RANGAP1: variants seen among roughly 807,000 people sequenced by gnomAD.
RANGAP1 encodes the protein Ran GTPase activating protein 1.
A neutral mutation model predicts 63.5 loss-of-function variants in RANGAP1; 38 were observed. That is an observed-to-expected ratio of 0.60 (90% confidence interval 0.46 to 0.78). The LOEUF is 0.78. Ranked by LOEUF, RANGAP1 falls within the 30% of genes least tolerant of loss-of-function variation. The pLI is 0.00. For missense variants in RANGAP1, 630 were observed against 740.3 expected (o/e 0.85, Z 1.73); for synonymous variants, 329 against 310.5 (o/e 1.06, Z -0.63).
Position 41,254,540 on chromosome 22 carries a change from C to G in RANGAP1, c.1074-46G>C. 10 of 1,533,820 alleles carry G rather than the reference C, an allele frequency of 6.5e-6. No homozygotes were observed. In the South Asian group the frequency reaches 1.1e-4, roughly 17 times the overall value. On this transcript the variant is annotated intron_variant, in intron 10 of 15. Coordinates refer to ENST00000356244, the MANE Select transcript of RANGAP1 (RefSeq NM_002883.4). ...AGCAGATCCTCTCTACCCAGCAGCC[C>G]AGGTTGGCTCTAAGGCCTGGCTCCA... is the stretch of plus-strand genomic sequence containing the variant.
intron 3 of RANGAP1, among the ~76,000 whole-genome samples, chr22:41,271,552 G>A (rs954599943): frequency 1.1e-4 from 17 of 152,040 alleles, no homozygotes; most frequent in Non-Finnish European, 1.8e-4. Context: ...AAAATTAGCC[G>A]GCATGGTGGC....
rs2033025715 is a variant in RANGAP1, at chr22:41,246,332, C to T, written c.*271G>A. ...GTGAGTTTAATGGCGGAGCAGCTCACAGCCCTTTCCCCTGGGGGCCAACTC... is the reference window on the plus strand; with the variant it reads ...GTGAGTTTAATGGCGGAGCAGCTCATAGCCCTTTCCCCTGGGGGCCAACTC... On this transcript the variant is annotated 3_prime_UTR_variant, in exon 16 of 16. Transcript: ENST00000356244. 1 of 344,528 alleles carries T rather than the reference C, an allele frequency of 2.9e-6. No homozygotes were observed. Among genetic ancestry groups the T allele is most frequent in the Non-Finnish European group, 5.4e-6 (1 of 184,824 alleles). 21.3% of individuals were successfully genotyped at this position (344,528 alleles called of 1,614,324 possible).
intron 1 of RANGAP1, chr22:41,281,801 T>C (rs1386004728): frequency 1.6e-5 from 4 of 245,114 alleles, no homozygotes; most frequent in Non-Finnish European, 2.6e-5. Context: ...TAAGCCTCAC[T>C]ATTTATAAAA....
chr22:41,245,273 G>C lies in RANGAP1; in HGVS notation c.*1330C>G, dbSNP rs1273524358. Among the ~76,000 whole-genome samples, 1 of 152,214 alleles carries C rather than the reference G, an allele frequency of 6.6e-6. No homozygotes were observed. The highest frequency in any genetic ancestry group is 2.4e-5 in the African/African-American group (1 of 41,464). Reference sequence around the variant, plus strand: ...GCTCCCAAAGCACATACATGGTGTAGGGTAGGAGGTAAGGAAGGTTGGCTG... The same window carrying C: ...GCTCCCAAAGCACATACATGGTGTACGGTAGGAGGTAAGGAAGGTTGGCTG... On this transcript the variant is annotated 3_prime_UTR_variant, in exon 16 of 16. Transcript: ENST00000356244.
At chr22:41,276,626 C>G (rs541947688) in intron 2 of RANGAP1, among the ~76,000 whole-genome samples, 8 of 151,192 alleles carry the variant, frequency 5.3e-5, no homozygotes, top group East Asian at 2.0e-4. Context: ...GCAACAAGAG[C>G]GAAACTCCGT....
intron 2 of RANGAP1, chr22:41,277,458 A>T: frequency 8.4e-7 from 1 of 1,196,164 alleles, no homozygotes; most frequent in Non-Finnish European, 1.1e-6. Context: ...TATAATCTGA[A>T]CAAAACCAAA....
upstream of RANGAP1, among the ~76,000 whole-genome samples, chr22:41,287,744 T>A (rs1569221232): frequency 6.6e-6 from 1 of 150,990 alleles, no homozygotes; most frequent in Admixed American, 6.6e-5. Context: ...CCCAGCACTT[T>A]GGGAGGCCGA....
intron 4 of RANGAP1, among the ~76,000 whole-genome samples, chr22:41,266,635 G>A (rs1389004048): frequency 6.6e-6 from 1 of 152,188 alleles, no homozygotes; most frequent in Non-Finnish European, 1.5e-5. Flanking sequence ...CCAGGTTCAA[G>A]TGATTCTTCC....
chr22:41,270,383 G>T (rs1030000758), intron 3 of RANGAP1, among the ~76,000 whole-genome samples: 1 of 152,178 alleles, frequency 6.6e-6, no homozygotes, highest in Non-Finnish European at 1.5e-5. Flanking sequence ...GACCTCAGGT[G>T]ATCCACCTGC....
At chr22:41,271,720 G>A (rs1439195981) in intron 3 of RANGAP1, among the ~76,000 whole-genome samples, 1 of 151,164 alleles carries the variant, frequency 6.6e-6, no homozygotes, top group Non-Finnish European at 1.5e-5. Context: ...AGCTTGGGCT[G>A]ACACCTGGAC....
At chr22:41,294,428 T>C in the RANGAP1 span, among the ~76,000 whole-genome samples, 2 of 151,838 alleles carry the variant, frequency 1.3e-5, no homozygotes, top group Non-Finnish European at 2.9e-5. Context: ...GCAGCCTGCC[T>C]TGGCCTCCCA....
At chr22:41,300,586 C>T in the RANGAP1 span, among the ~76,000 whole-genome samples, 1 of 151,056 alleles carries the variant, frequency 6.6e-6, no homozygotes, top group Admixed American at 6.6e-5. Context: ...ATTCTCCTGC[C>T]TCAGCCTCCT....
In RANGAP1 at chr22:41,258,061, T is replaced by C. The variant is rs747614110; in HGVS notation, c.661A>G (p.Asn221Asp). Residue 221 changes from asparagine to aspartate, a missense_variant, in exon 7 of 16, where the codon AAC becomes GAC. By Grantham distance (23) the Asn-to-Asp change is conservative. Coordinates refer to ENST00000356244, the MANE Select transcript of RANGAP1 (RefSeq NM_002883.4). ...GCCAGGGCAGTGATGCCAGGGTGGT[T>C]GATCCCATTCTGTGGCATGTGGACC... The part of the protein sequence containing the change: ...EEVHMPQNGI[N>D]HPGITALAQA... The C allele has an allele frequency of 6.2e-7, 1 of 1,613,410 alleles. No homozygotes were observed. The highest frequency in any genetic ancestry group is 2.2e-5 in the East Asian group (1 of 44,818).
upstream of RANGAP1, among the ~76,000 whole-genome samples, chr22:41,288,034 C>T (rs1026990746): frequency 2.0e-5 from 3 of 152,058 alleles, no homozygotes; most frequent in Admixed American, 2.0e-4. Context: ...ATGCCATATC[C>T]TTTTACACAC....
intron 15 of RANGAP1, among the ~76,000 whole-genome samples, chr22:41,247,670 A>G (rs957211800): frequency 6.6e-6 from 1 of 152,196 alleles, no homozygotes; most frequent in African/African-American, 2.4e-5. Flanking sequence ...GTTGCCCTCA[A>G]TATCATTAGT....
At chr22:41,281,179 C>T (rs1237530312) in intron 1 of RANGAP1, 97 bp from the exon 2 acceptor site, 2 of 1,288,170 alleles carry the variant, frequency 1.6e-6, no homozygotes, top group African/African-American at 1.5e-5. Flanking sequence ...TCTGACCCTA[C>T]CTCCCCTGCT....
chr22:41,284,453 G>T (rs1465405002), intron 1 of RANGAP1, among the ~76,000 whole-genome samples: 8 of 151,922 alleles, frequency 5.3e-5, no homozygotes, highest in Admixed American at 5.2e-4. Context: ...TGTAATCCCA[G>T]CTACTCAGGA....
At chr22:41,286,299 T>A (rs112499508), upstream of RANGAP1, 4,505 of 152,388 alleles carry the variant, frequency 0.03, 105 homozygotes, top group Admixed American at 0.046. Context: ...GCCTCTCGGG[T>A]AGAGTAGTCC....
At chr22:41,264,880 ACC>A (rs1280792060) in intron 4 of RANGAP1, 37 bp from the exon 5 acceptor site, 1 of 1,569,992 alleles carries the variant, frequency 6.4e-7, no homozygotes, top group African/African-American at 1.3e-5. Flanking sequence ...TTTCATAGAC[ACC>A]CAGCTTCTGT....
Sources: gnomAD v4.1 joint callset for allele counts (sites outside exome capture counted in the v4.1 genomes callset) on GRCh38, gnomAD v4.1.1 for gene constraint, MANE v1.5 for transcripts, NCBI Gene and HGNC (gene_info 2026-07-23, HGNC 2026-07-21) for gene names.